ZNF507: variants seen among roughly 807,000 people sequenced by gnomAD.
The protein encoded by ZNF507 is zinc finger protein 507.
A neutral mutation model predicts 80.0 loss-of-function variants in ZNF507; 29 were observed. The ratio of observed to expected loss-of-function variants is 0.36; its 90% CI spans 0.27 to 0.49. The LOEUF (loss-of-function observed/expected upper bound fraction) is 0.49. Ranked by LOEUF, ZNF507 falls within the 20% of genes least tolerant of loss-of-function variation. The pLI is 0.98. For missense variants in ZNF507, 1,081 were observed against 1,152.2 expected (o/e 0.94, Z 0.90); for synonymous variants, 462 against 422.5 (o/e 1.09, Z -1.15).
intron 5 of ZNF507, among the ~76,000 whole-genome samples, chr19:32,374,382 T>G (rs1168235643): frequency 1.3e-5 from 2 of 152,110 alleles, no homozygotes; most frequent in Admixed American, 6.5e-5. Flanking sequence ...TTTGTAACAG[T>G]TTTTAATTTT....
chr19:32,350,492 A>T (rs765886001), intron 2 of ZNF507, among the ~76,000 whole-genome samples: 5 of 152,162 alleles, frequency 3.3e-5, no homozygotes, highest in African/African-American at 4.8e-5. Flanking sequence ...ATTCTTTTGT[A>T]TTAGTCTTTT....
chr19:32,358,329 A>G (rs1446627618), intron 4 of ZNF507: 4 of 152,246 alleles, frequency 2.6e-5, no homozygotes, highest in African/African-American at 9.6e-5. Context: ...TTCTTTACCT[A>G]TTTAGTAAAC....
At chr19:32,382,325 A>C (rs907289571) in intron 5 of ZNF507, 142 bp from the exon 6 acceptor site, 18 of 1,043,484 alleles carry the variant, frequency 1.7e-5, no homozygotes, top group Non-Finnish European at 2.4e-5. Flanking sequence ...TCTTAGAATC[A>C]GTAACATCTT....
rs1243005325 is a variant in ZNF507 at position 32,354,052 on chromosome 19, A to G, written c.1222A>G (p.Thr408Ala). 1.2e-6 allele frequency: 2 copies of G among 1,613,978 alleles called. No individual in the cohort carries two copies. Among genetic ancestry groups the G allele is most frequent in the Admixed American group, 3.3e-5 (2 of 59,990 alleles). The change falls in exon 3 of 7, where the codon ACC (threonine) becomes GCC (alanine). Residue 408 changes from threonine to alanine, a missense_variant. By Grantham distance (58) the Thr-to-Ala change is moderately conservative. This residue lies in a region of ZNF507 where 614 missense variants were observed against 583.9 expected (regional missense o/e 1.05). Coordinates refer to ENST00000355898, the MANE Select transcript of ZNF507 (RefSeq NM_001136156.2). Reference protein sequence around the residue: ...IVERLPSAEETLSQKRFLMNT... With the variant: ...IVERLPSAEEALSQKRFLMNT... ...GGAGCGATTGCCAAGTGCTGAAGAA[A>G]CCCTTTCACAGAAGCGCTTCCTCAT...
intron 1 of ZNF507, among the ~76,000 whole-genome samples, chr19:32,346,522 C>CG (rs1225142786): frequency 4.6e-5 from 7 of 152,180 alleles, no homozygotes; most frequent in African/African-American, 1.7e-4. Context: ...TCCAGTACTC[C>CG]CCTCTCACTC....
Position 32,354,653 on chromosome 19 carries a change from T to G in ZNF507, c.1823T>G (p.Leu608Trp). 1.2e-6 allele frequency: 2 copies of G among 1,614,154 alleles called. No individual in the cohort carries two copies. Among genetic ancestry groups the G allele is most frequent in the Non-Finnish European group, 1.7e-6 (2 of 1,180,038 alleles). ...CAAAACGCTTCAGACGATGACATTT[T>G]GAAAGAGTTGCAGGACAACGCCCAG... is the stretch of plus-strand genomic sequence containing the variant. ...TDQNASDDDI[L>W]KELQDNAQCQ... Residue 608 changes from leucine (L) to tryptophan (W), a missense_variant, in exon 3 of 7, where the codon TTG becomes TGG. Transcript: ENST00000355898.
chr19:32,356,031 T>C (rs1967247392), intron 3 of ZNF507, among the ~76,000 whole-genome samples: 2 of 152,076 alleles, frequency 1.3e-5, no homozygotes, highest in Admixed American at 6.6e-5. Context: ...AGAAAGCCCT[T>C]GAGTCTGAGG....
At chr19:32,360,900 G>A (rs2145324736) in intron 5 of ZNF507, among the ~76,000 whole-genome samples, 1 of 152,136 alleles carries the variant, frequency 6.6e-6, no homozygotes, top group East Asian at 1.9e-4. Flanking sequence ...GCCTCCCAAA[G>A]TGCTGGGATT....
chr19:32,356,891 T>A, intron 4 of ZNF507, 158 bp downstream of exon 4: 1 of 632,048 alleles, frequency 1.6e-6, no homozygotes. Context: ...TCTGAGGAAA[T>A]GCCAAGTACT....
intron 5 of ZNF507, among the ~76,000 whole-genome samples, chr19:32,368,475 C>G (rs2868082): frequency 0.68 from 104,075 of 151,986 alleles, 35,951 homozygotes; most frequent in Middle Eastern, 0.74. Flanking sequence ...GGCAAAAGCT[C>G]TGTTGCCTTT....
In ZNF507 at chr19:32,366,974, C is replaced by CT. The variant is rs1437800754; in HGVS notation, c.2360+6362dup. On this transcript the variant is annotated intron_variant, in intron 5 of 6. Coordinates refer to ENST00000355898, the MANE Select transcript of ZNF507 (RefSeq NM_001136156.2). ...GTTTATGGGCTATTATTGCCCACTT[C>CT]TTTTTTGCATTGTCTATTGTATTAG... is the stretch of plus-strand genomic sequence containing the variant. Among the ~76,000 whole-genome samples, 7 of 152,276 alleles carry CT rather than the reference C, an allele frequency of 4.6e-5. No individual in the cohort carries two copies. The East Asian group carries it at 1.3e-3, about 29-fold the overall frequency.
At chr19:32,360,016 C>T (rs576856230) in intron 4 of ZNF507, among the ~76,000 whole-genome samples, 3 of 152,254 alleles carry the variant, frequency 2.0e-5, no homozygotes, top group Admixed American at 1.3e-4. Context: ...GCATGAGCCA[C>T]CACACCTAGC....
intron 5 of ZNF507, among the ~76,000 whole-genome samples, chr19:32,371,385 A>T (rs1967468816): frequency 1.3e-5 from 2 of 151,152 alleles, no homozygotes; most frequent in African/African-American, 2.4e-5. Flanking sequence ...GAGGCAGGAG[A>T]ATCACCTGAA....
rs1967231437 is a variant in ZNF507, at chr19:32,354,915, A to G, written c.2085A>G (p.Arg695=). ...ACATGATCCACCACTGTAAGACAAG[A>G]ATATACCAGTGCAAGCAGTGTGAAG... ...ESHMIHHCKT[R]IYQCKQCEES... is the part of the protein sequence containing the mutation. The change falls in exon 3 of 7, where the codon AGA becomes AGG. Residue 695 remains arginine, a synonymous_variant. Transcript: ENST00000355898. 4 of 1,613,596 alleles carry G rather than the reference A, an allele frequency of 2.5e-6. No individual in the cohort carries two copies. The highest frequency in any genetic ancestry group is 1.3e-5 in the African/African-American group (1 of 74,900).
At chr19:32,347,709 C>T (rs1967114560) in intron 2 of ZNF507, among the ~76,000 whole-genome samples, 2 of 152,012 alleles carry the variant, frequency 1.3e-5, no homozygotes, top group Non-Finnish European at 2.9e-5. Context: ...ACTTGCACCT[C>T]ATGGGCAAGG....
At chr19:32,356,780 A>C (rs921462534) in intron 4 of ZNF507, 47 bp downstream of exon 4, 14 of 1,436,776 alleles carry the variant, frequency 9.7e-6, no homozygotes, top group Non-Finnish European at 1.2e-5. Flanking sequence ...TGCACATGAC[A>C]TAAAAGTGCC....
chr19:32,376,287 A>G (rs968820543), intron 5 of ZNF507, among the ~76,000 whole-genome samples: 3 of 152,134 alleles, frequency 2.0e-5, no homozygotes, highest in Non-Finnish European at 4.4e-5. Flanking sequence ...ATATATTTCT[A>G]ATTTTCTACA....
At chr19:32,350,338 C>A (rs970716787) in intron 2 of ZNF507, among the ~76,000 whole-genome samples, 1 of 151,926 alleles carries the variant, frequency 6.6e-6, no homozygotes, top group African/African-American at 2.4e-5. Flanking sequence ...GCTGCCATTA[C>A]TGTACTTATC....
In ZNF507 at chr19:32,386,651, T is replaced by C. The variant is rs1027741271; in HGVS notation, c.*3568T>C. The C allele has an allele frequency of 6.5e-6, 1 of 152,682 alleles. No individual in the cohort carries two copies. The highest frequency in any genetic ancestry group is 1.5e-5 in the Non-Finnish European group (1 of 68,050). The allele number at this position is 152,682 out of a possible 1,614,324, so 9.5% of individuals were successfully genotyped here. A position where few individuals can be genotyped will look rare whatever the true frequency, so the allele number is the denominator to read the frequency against. On this transcript the variant is annotated 3_prime_UTR_variant, in exon 7 of 7. Transcript: ENST00000355898. The stretch of plus-strand genomic sequence containing the variant: ...AAATTATCCTGCACATCAAGCTGCA[T>C]GCCTTAAAGCGGAAACTCTAGGACT...
Sources: allele counts gnomAD v4.1 joint callset (sites outside exome capture counted in the v4.1 genomes callset), GRCh38; gene constraint gnomAD v4.1.1; regional missense constraint gnomAD v4.1.1; transcripts MANE v1.5; gene names NCBI Gene and HGNC (gene_info 2026-07-23, HGNC 2026-07-21).